Variants in AFF2 observed in about 807,000 individuals in gnomAD.
AFF2 encodes ALF transcription elongation factor 2, also known as AF4/FMR2 family member 2.
Under a neutral mutation model 76.9 loss-of-function variants are expected in AFF2, and 14 were observed. The ratio of observed to expected loss-of-function variants is 0.18; its 90% CI spans 0.12 to 0.28. The LOEUF (loss-of-function observed/expected upper bound fraction) is 0.28, where lower values mean the gene tolerates loss of function less well. Among genes scored for constraint, AFF2 ranks in the 10% least tolerant of loss-of-function variants. AFF2 has a pLI of 1.00. For missense variants in AFF2, 868 were observed against 1,001.1 expected (o/e 0.87, Z 1.79); for synonymous variants, 398 against 366.7 (o/e 1.09, Z -0.98).
intron 3 of AFF2, among the ~76,000 whole-genome samples, chrX:148,669,815 A>C (rs1473900678): frequency 9.0e-6 from 1 of 111,426 alleles, no homozygotes; most frequent in African/African-American, 3.3e-5. Flanking sequence ...AATAGTACTG[A>C]GTCCAAGGCT....
At chrX:148,874,207 A>C (rs2124105311) in intron 7 of AFF2, among the ~76,000 whole-genome samples, 1 of 111,537 alleles carries the variant, frequency 9.0e-6, no homozygotes, top group African/African-American at 3.3e-5. Context: ...TGTTGCTTAA[A>C]CTGCTTTCTT....
At chrX:148,934,567 A>G (rs1337574023) in intron 9 of AFF2, among the ~76,000 whole-genome samples, 1 of 112,376 alleles carries the variant, frequency 8.9e-6, no homozygotes, top group Admixed American at 9.5e-5. Context: ...AATTAATTCC[A>G]AGTCAATTCA....
At chrX:148,922,716 T>G (rs1412613311) in intron 9 of AFF2, among the ~76,000 whole-genome samples, 3 of 111,880 alleles carry the variant, frequency 2.7e-5, no homozygotes, top group Non-Finnish European at 3.8e-5. Context: ...TATTTATTTA[T>G]TAATGGTCAC....
At chrX:148,661,061 C>T (rs2080223673) in intron 2 of AFF2, among the ~76,000 whole-genome samples, 1 of 112,328 alleles carries the variant, frequency 8.9e-6, no homozygotes, top group Non-Finnish European at 1.9e-5. Flanking sequence ...ACTGATTGTC[C>T]ATAAAATGAG....
chrX:148,735,755 A>G (rs1053460976), intron 3 of AFF2, among the ~76,000 whole-genome samples: 6 of 110,992 alleles, frequency 5.4e-5, no homozygotes, highest in Non-Finnish European at 1.1e-4. Flanking sequence ...GTAGTCTTTT[A>G]TCCCTCACCC....
intron 3 of AFF2, among the ~76,000 whole-genome samples, chrX:148,737,278 A>G (rs375273904): frequency 1.3e-4 from 15 of 111,581 alleles, no homozygotes; most frequent in African/African-American, 4.6e-4. Context: ...TGTTTGTGTC[A>G]TCTATGATTT....
At chrX:148,713,001 G>A (rs2054987128) in intron 3 of AFF2, among the ~76,000 whole-genome samples, 1 of 111,746 alleles carries the variant, frequency 8.9e-6, no homozygotes, top group South Asian at 3.8e-4. Context: ...AGAGTGGTTA[G>A]GAGAGGCCTA....
At chrX:148,910,531 C>T (rs1312158327) in intron 9 of AFF2, among the ~76,000 whole-genome samples, 1 of 112,018 alleles carries the variant, frequency 8.9e-6, no homozygotes, top group Non-Finnish European at 1.9e-5. Flanking sequence ...GCTCTAAGAA[C>T]AAAAAATGCT....
At chrX:148,789,894 G>A (rs2069869640) in intron 3 of AFF2, among the ~76,000 whole-genome samples, 2 of 111,654 alleles carry the variant, frequency 1.8e-5, no homozygotes, top group South Asian at 7.5e-4. Flanking sequence ...CATAGGTGAA[G>A]AACCTGACAG....
At chrX:148,703,013 T>C (rs2124516497) in intron 3 of AFF2, among the ~76,000 whole-genome samples, 1 of 112,165 alleles carries the variant, frequency 8.9e-6, no homozygotes, top group South Asian at 3.7e-4. Context: ...GTATTTATAA[T>C]AGAGTATTTG....
intron 3 of AFF2, among the ~76,000 whole-genome samples, chrX:148,681,963 G>T (rs781864035): frequency 8.9e-6 from 1 of 111,879 alleles, no homozygotes; most frequent in Non-Finnish European, 1.9e-5. Context: ...ACAAAAGCAT[G>T]CATAATAACA....
At chrX:148,910,746 G>T (rs1296440426) in intron 9 of AFF2, among the ~76,000 whole-genome samples, 1 of 111,881 alleles carries the variant, frequency 8.9e-6, no homozygotes, top group Non-Finnish European at 1.9e-5. Flanking sequence ...AGGGCCCTCA[G>T]AGCTCACCCA....
chrX:148,650,224 T>C (rs1212311870), intron 1 of AFF2, among the ~76,000 whole-genome samples: 2 of 111,474 alleles, frequency 1.8e-5, no homozygotes, highest in Non-Finnish European at 3.8e-5. Context: ...TGTGCCTGAT[T>C]GTTTCCATGT....
chrX:148,681,536 ATGTGTGTGTG>A (rs35711893), intron 3 of AFF2, among the ~76,000 whole-genome samples: 26 of 98,046 alleles, frequency 2.7e-4, no homozygotes, highest in Middle Eastern at 4.9e-3. Flanking sequence ...GTGCTAAAAG[ATGTGTGTGTG>A]TGTGTGTGTG....
chrX:148,680,561 T>C (rs1368800412), intron 3 of AFF2, among the ~76,000 whole-genome samples: 1 of 111,787 alleles, frequency 8.9e-6, no homozygotes, highest in Non-Finnish European at 1.9e-5. Context: ...TCAACTTCGT[T>C]TGACCTTTAT....
intron 1 of AFF2, among the ~76,000 whole-genome samples, chrX:148,644,291 A>G (rs1357910852): frequency 9.0e-6 from 1 of 111,597 alleles, no homozygotes; most frequent in Non-Finnish European, 1.9e-5. Flanking sequence ...TTCTGTGAGT[A>G]AGACTAGAAT....
chrX:148,524,927 A>G (rs2052642278), intron 1 of AFF2, among the ~76,000 whole-genome samples: 1 of 112,142 alleles, frequency 8.9e-6, no homozygotes, highest in Non-Finnish European at 1.9e-5. Flanking sequence ...TAAGTGTTCT[A>G]AAGGAACAAG....
At chrX:148,547,368 A>T (rs1255647543) in intron 1 of AFF2, 5 of 111,957 alleles carry the variant, frequency 4.5e-5, no homozygotes, top group Non-Finnish European at 9.4e-5. Flanking sequence ...TAAGTGGAAG[A>T]TACAGGAGAA....
At chrX:148,856,805 A>G (rs1487049074) in intron 7 of AFF2, among the ~76,000 whole-genome samples, 3 of 112,742 alleles carry the variant, frequency 2.7e-5, no homozygotes, top group Non-Finnish European at 3.8e-5. Context: ...CAGGTGGAAC[A>G]AATTCTTTTC....
Sources: gnomAD v4.1 joint callset for allele counts (sites outside exome capture counted in the v4.1 genomes callset) on GRCh38, gnomAD v4.1.1 for gene constraint, MANE v1.5 for transcripts, NCBI Gene and HGNC (gene_info 2026-07-23, HGNC 2026-07-21) for gene names.